The following FAM227A variants were observed in gnomAD, a reference collection of about 807,000 sequenced individuals.
FAM227A encodes protein FAM227A.
FAM227A carries 80 observed loss-of-function variants against 74.7 expected under a neutral mutation model. That is an observed-to-expected ratio of 1.07 (90% CI 0.89 to 1.29). FAM227A has a LOEUF of 1.29. Ranked by LOEUF, FAM227A falls within the 50% of genes most tolerant of loss-of-function variation. The pLI, the probability that FAM227A is intolerant of heterozygous loss-of-function variation, is 0.00. For synonymous variants in FAM227A, 237 were observed against 241.8 expected, an observed-to-expected ratio of 0.98 and a Z score of 0.19; for missense variants, 654 against 683.4, an observed-to-expected ratio of 0.96 and a Z score of 0.48.
At position 38,626,195 on chromosome 22, in the gene FAM227A, T is replaced by C; in HGVS notation, c.835A>G (p.Ser279Gly). ...CACCTCTCACCTGAAATCCACAGGC[T>C]CATTGTGTTACAGATGTCAGACTTG... is the stretch of plus-strand genomic sequence containing the variant. ...EFKSDICNTM[S>G]LWISGTYPSP... Residue 279 changes from serine (S) to glycine (G), a missense_variant, in exon 9 of 17, where the codon AGC becomes GGC. By Grantham distance (56) the Ser-to-Gly change is moderately conservative. Transcript: ENST00000535113. 1 of 1,551,538 alleles carries C rather than the reference T, an allele frequency of 6.4e-7. No homozygotes were observed. The highest frequency in any genetic ancestry group is 8.7e-7 in the Non-Finnish European group (1 of 1,146,934).
intron 2 of FAM227A, 36 bp downstream of exon 2, chr22:38,649,991 T>C: frequency 6.5e-7 from 1 of 1,548,958 alleles, no homozygotes; most frequent in South Asian, 1.2e-5. Context: ...TTAGGTGTAT[T>C]TGGTCTGATT....
intron 13 of FAM227A, among the ~76,000 whole-genome samples, chr22:38,602,023 A>G (rs2091189628): frequency 6.6e-6 from 1 of 152,236 alleles, no homozygotes; most frequent in Non-Finnish European, 1.5e-5. Context: ...TTAAAAAAAA[A>G]TACATTTTAT....
Position 38,628,248 on chromosome 22 carries a change from G to T in FAM227A, c.716C>A (p.Ala239Glu). 6.5e-7 allele frequency: 1 copy of T among 1,541,352 alleles called. No individual in the cohort carries two copies. Among genetic ancestry groups the T allele is most frequent in the East Asian group, 2.4e-5 (1 of 40,868 alleles). Residue 239 changes from alanine to glutamate, a missense_variant, in exon 8 of 17, where the codon GCG becomes GAG. By Grantham distance (107) the Ala-to-Glu change is moderately radical. Transcript: ENST00000535113. ...GTGGCTGATGCTCACTTTTAAGAGC[G>T]CCTCTTCAGAGTGGGACTTGGGTAC... ...FRVPKSHSEE[A>E]LLKRLPSLLS...
At chr22:38,601,658 G>A (rs967607080) in intron 13 of FAM227A, among the ~76,000 whole-genome samples, 9 of 152,194 alleles carry the variant, frequency 5.9e-5, no homozygotes, top group African/African-American at 2.2e-4. Flanking sequence ...AGGAGTTGGG[G>A]AATTGCTGAT....
At chr22:38,634,335 T>A (rs2091965440) in intron 6 of FAM227A, among the ~76,000 whole-genome samples, 1 of 152,190 alleles carries the variant, frequency 6.6e-6, no homozygotes, top group African/African-American at 2.4e-5. Context: ...ACATTCACTT[T>A]TATCATCACA....
Position 38,610,458 on chromosome 22 carries a change from G to C in FAM227A, c.1039-2982C>G, listed in dbSNP as rs1234571178. ...GAGAGGCAGCTTGCTGATGCAGAGA[G>C]AGCTCAGACTGACAGTGTCCTGACA... On this transcript the variant is annotated intron_variant, in intron 11 of 16. Transcript: ENST00000535113. Among the ~76,000 whole-genome samples, 3 of 152,182 alleles carry C rather than the reference G, an allele frequency of 2.0e-5. No individual in the cohort carries two copies. The East Asian group carries it at 5.8e-4, about 29-fold the overall frequency.
Position 38,579,828 on chromosome 22 carries a change from T to C in FAM227A, c.*6297A>G, listed in dbSNP as rs529176678. On this transcript the variant is annotated 3_prime_UTR_variant, in exon 17 of 17. Transcript: ENST00000535113. The stretch of plus-strand genomic sequence containing the variant: ...CTAGAATAATTTTATATATAAAATA[T>C]TTAAGATTCAGATATCCATTTGTCT... 51 of 152,334 alleles carry C rather than the reference T, an allele frequency of 3.3e-4. No homozygotes were observed. The highest frequency in any genetic ancestry group is 1.2e-3 in the African/African-American group (51 of 41,588). The allele number at this position is 152,334 out of a possible 1,614,324, so 9.4% of individuals were successfully genotyped here. A position where few individuals can be genotyped will look rare whatever the true frequency, so the allele number is the denominator to read the frequency against.
chr22:38,599,871 A>C lies in FAM227A; in HGVS notation c.1272T>G (p.Ile424Met), dbSNP rs1415855374. 2.6e-6 allele frequency: 4 copies of C among 1,551,434 alleles called. No homozygotes were observed. The highest frequency in any genetic ancestry group is 3.5e-6 in the Non-Finnish European group (4 of 1,146,900). The change falls in exon 14 of 17, where the codon ATT becomes ATG. Residue 424 changes from isoleucine (I) to methionine (M), a missense_variant. By Grantham distance (10) the Ile-to-Met change is conservative (BLOSUM62 1). Coordinates refer to ENST00000535113, the MANE Select transcript of FAM227A (RefSeq NM_001013647.2). ...ACACAATCAGAGGGCTCTTCCCATAAATGTTGAAGAGGTTTGAAGTCAGCT... is the reference window on the plus strand; with the variant it reads ...ACACAATCAGAGGGCTCTTCCCATACATGTTGAAGAGGTTTGAAGTCAGCT... ...SPELTSNLFN[I>M]YGKSPLIVYF...
At chr22:38,613,298 T>TATAATATATAAC (rs1196291636) in intron 11 of FAM227A, among the ~76,000 whole-genome samples, 1 of 77,810 alleles carries the variant, frequency 1.3e-5, no homozygotes, top group Non-Finnish European at 2.2e-5. Flanking sequence ...ATATATATCA[T>TATAATATATAAC]ATATAATATA....
Position 38,583,152 on chromosome 22 carries a change from C to T in FAM227A, c.*2973G>A. ...TGTACTCGGCAGGTGCTCACACGTT[C>T]TGGTTTCAGAAGACTATACTTTTTT... On this transcript the variant is annotated 3_prime_UTR_variant, in exon 17 of 17. Coordinates refer to ENST00000535113, the MANE Select transcript of FAM227A (RefSeq NM_001013647.2). 1.2e-5 allele frequency: 6 copies of T among 495,220 alleles called. No individual in the cohort carries two copies. The highest frequency in any genetic ancestry group is 3.4e-5 in the East Asian group (1 of 29,178). 30.7% of individuals were successfully genotyped at this position (495,220 alleles called of 1,614,324 possible). A position where few individuals can be genotyped will look rare whatever the true frequency, so the allele number is the denominator to read the frequency against.
At chr22:38,654,303 C>T (rs545912576) in intron 1 of FAM227A, among the ~76,000 whole-genome samples, 49 of 151,446 alleles carry the variant, frequency 3.2e-4, no homozygotes, top group African/African-American at 7.8e-4. Context: ...AGCCGGATCG[C>T]GCCACTGCAC....
chr22:38,614,634 A>T (rs1433183073), intron 11 of FAM227A, among the ~76,000 whole-genome samples: 1 of 152,036 alleles, frequency 6.6e-6, no homozygotes, highest in Non-Finnish European at 1.5e-5. Flanking sequence ...CACAAAACCC[A>T]ATTACTCCCT....
intron 11 of FAM227A, among the ~76,000 whole-genome samples, chr22:38,619,963 ACCTGGTT>A (rs1287145173): frequency 6.6e-6 from 1 of 152,044 alleles, no homozygotes; most frequent in East Asian, 1.9e-4. Context: ...TACACTGAAA[ACCTGGTT>A]CCTTCCCTCT....
chr22:38,616,627 T>TGCCA (rs1270316953), intron 11 of FAM227A, among the ~76,000 whole-genome samples: 3 of 150,980 alleles, frequency 2.0e-5, no homozygotes, highest in Admixed American at 1.3e-4. Flanking sequence ...GATCATGCCA[T>TGCCA]TGCACTCCAG....
intron 8 of FAM227A, among the ~76,000 whole-genome samples, chr22:38,627,908 A>C (rs1603008568): frequency 6.6e-6 from 1 of 152,144 alleles, no homozygotes; most frequent in Middle Eastern, 3.4e-3. Context: ...CCGGCTGGGA[A>C]AGTTTCTTAT....
intron 13 of FAM227A, among the ~76,000 whole-genome samples, chr22:38,604,958 T>G (rs1366123460): frequency 2.0e-5 from 3 of 152,086 alleles, no homozygotes; most frequent in Admixed American, 2.0e-4. Flanking sequence ...CAGCCTTTAT[T>G]TTTTTATTAT....
chr22:38,608,511 A>G (rs1011759728), intron 11 of FAM227A, among the ~76,000 whole-genome samples: 2 of 151,820 alleles, frequency 1.3e-5, no homozygotes, highest in South Asian at 2.1e-4. Context: ...GCTCACTGCA[A>G]CCTTTGCCTC....
At chr22:38,634,419 A>G (rs977234920) in intron 6 of FAM227A, among the ~76,000 whole-genome samples, 1 of 152,052 alleles carries the variant, frequency 6.6e-6, no homozygotes, top group African/African-American at 2.4e-5. Flanking sequence ...TTGACCATTA[A>G]ACTGTTTCTA....
At position 38,583,675 on chromosome 22, in the gene FAM227A, C is replaced by T. The variant is rs2090749701; in HGVS notation, c.*2450G>A. The stretch of plus-strand genomic sequence containing the variant: ...TGCACAGCTACTATGCTGAGTCACA[C>T]ATCCATATGGTGAAGCAGGGCAGGG... On this transcript the variant is annotated 3_prime_UTR_variant, in exon 17 of 17. Transcript: ENST00000535113. 1 of 152,284 alleles carries T rather than the reference C, an allele frequency of 6.6e-6. No individual in the cohort carries two copies. The highest frequency in any genetic ancestry group is 2.4e-5 in the African/African-American group (1 of 41,456). The allele number at this position is 152,284 out of a possible 1,614,324, so 9.4% of individuals were successfully genotyped here.
Sources: gnomAD v4.1 joint callset for allele counts (sites outside exome capture counted in the v4.1 genomes callset) on GRCh38, gnomAD v4.1.1 for gene constraint, MANE v1.5 for transcripts, NCBI Gene and HGNC (gene_info 2026-07-23, HGNC 2026-07-21) for gene names.